The following LY9 variants were observed in gnomAD, a reference collection of about 807,000 sequenced individuals.
LY9 encodes the protein T-lymphocyte surface antigen Ly-9.
LY9 carries 59 observed loss-of-function variants against 64.6 expected under a neutral mutation model. The observed-to-expected ratio is 0.91, with a 90% CI of 0.74 to 1.13. LY9 has a LOEUF of 1.13. Ranked by LOEUF, LY9 falls within the 50% of genes most tolerant of loss-of-function variation. LY9 has a pLI of 0.00. For missense variants in LY9, 789 were observed against 797.2 expected, an observed-to-expected ratio of 0.99 and a Z score of 0.12; for synonymous variants, 281 against 308.5, an observed-to-expected ratio of 0.91 and a Z score of 0.93.
chr1:160,799,176 A>G (rs1420833130), intron 1 of LY9: 2 of 152,962 alleles, frequency 1.3e-5, no homozygotes, highest in Non-Finnish European at 2.9e-5. Context: ...TTAGTTCCCG[A>G]CACTGCTATG....
chr1:160,819,809 CAGAAAGAGAA>C (rs1668250047), intron 7 of LY9, among the ~76,000 whole-genome samples: 2 of 48,358 alleles, frequency 4.1e-5, no homozygotes, highest in Admixed American at 6.4e-4. Flanking sequence ...AAAAAAAAAA[CAGAAAGAGAA>C]AGAAAGAGAG....
rs1667692443 is a variant in LY9 at position 160,813,553 on chromosome 1, C to T, written c.455-83C>T. ...GGCCTCTCTCTGCTGCCCCCAACTC[C>T]CCTATTGTCACTCCCTTCTTCTCTC... On this transcript the variant is annotated intron_variant, in intron 2 of 9. Coordinates refer to ENST00000263285, the MANE Select transcript of LY9 (RefSeq NM_002348.4). The T allele has an allele frequency of 7.1e-6, 10 of 1,412,560 alleles. No individual in the cohort carries two copies. The Admixed American group carries it at 7.8e-5, about 11-fold the overall frequency. The allele number at this position is 1,412,560 out of a possible 1,614,324, so 87.5% of individuals were successfully genotyped here. A position where few individuals can be genotyped will look rare whatever the true frequency, so the allele number is the denominator to read the frequency against.
At chr1:160,801,838 G>A (rs369757789) in intron 2 of LY9, 4 of 1,613,944 alleles carry the variant, frequency 2.5e-6, no homozygotes, top group Non-Finnish European at 3.4e-6. Context: ...GGTGACCACC[G>A]CACACTCCTG....
rs917259935 is a variant in LY9 at position 160,821,163 on chromosome 1, A to AAAAAAAAAAAAAAAC, written c.1498+1795_1498+1796insAAAAAAAACAAAAAA. Among the ~76,000 whole-genome samples, 13 of 150,886 alleles carry AAAAAAAAAAAAAAAC rather than the reference A, an allele frequency of 8.6e-5. No homozygotes were observed. In the East Asian group the frequency reaches 2.5e-3, roughly 29 times the overall value. On this transcript the variant is annotated intron_variant, in intron 7 of 9. Coordinates refer to ENST00000263285, the MANE Select transcript of LY9 (RefSeq NM_002348.4). ...AGTGAAACTTTGCTAAAAAAAAAAAAAAAAAACCATATATTCACATGGCAT... is the reference window on the plus strand; with the variant it reads ...AGTGAAACTTTGCTAAAAAAAAAAAAAAAAAAAAAAAAAACAAAAAACCATATATTCACATGGCAT...
intron 2 of LY9, chr1:160,802,091 AC>A: frequency 2.9e-6 from 4 of 1,381,294 alleles, no homozygotes; most frequent in Non-Finnish European, 3.7e-6. Context: ...CTCCCATGGC[AC>A]GTCGGGAACA....
chr1:160,824,747 A>G (rs1668753878), intron 9 of LY9: 1 of 628,720 alleles, frequency 1.6e-6, no homozygotes, highest in Non-Finnish European at 2.0e-6. Context: ...TGGGAGGCCA[A>G]GGCGGGTGGA....
chr1:160,798,493 G>A (rs149592409), intron 1 of LY9, among the ~76,000 whole-genome samples: 128 of 152,206 alleles, frequency 8.4e-4, no homozygotes, highest in Non-Finnish European at 1.6e-3. Flanking sequence ...CTTCCAGATG[G>A]GAAGAGCTCT....
At chr1:160,800,843 AG>A (rs1666395860) in intron 2 of LY9, among the ~76,000 whole-genome samples, 1 of 152,196 alleles carries the variant, frequency 6.6e-6, no homozygotes, top group Non-Finnish European at 1.5e-5. Flanking sequence ...AATGGCCTCC[AG>A]TTTCATCCAT....
chr1:160,812,898 C>T (rs935360556), intron 2 of LY9: 2 of 14,876 alleles, frequency 1.3e-4, no homozygotes, highest in African/African-American at 1.4e-4. Context: ...CCAGCCTGGC[C>T]AACTGGTGAA....
chr1:160,821,151 T>TAAAAAAAAAAAAAA (rs373539992), intron 7 of LY9, among the ~76,000 whole-genome samples: 6,121 of 103,938 alleles, frequency 0.059, 340 homozygotes, highest in South Asian at 0.083. Context: ...GAAACTTTGC[T>TAAAAAAAAAAAAAA]AAAAAAAAAA....
intron 9 of LY9, among the ~76,000 whole-genome samples, chr1:160,825,910 C>CAA (rs11371484): frequency 6.0e-5 from 9 of 150,202 alleles, no homozygotes; most frequent in South Asian, 2.1e-4. Flanking sequence ...AACTCCATCT[C>CAA]AAAAAAAAAG....
Position 160,823,464 on chromosome 1 carries a change from G to A in LY9, c.1499-1G>A, listed in dbSNP as rs1313072077. The A allele has an allele frequency of 6.2e-7, 1 of 1,604,468 alleles. No individual in the cohort carries two copies. The highest frequency in any genetic ancestry group is 1.1e-5 in the South Asian group (1 of 90,660). On this transcript the variant is annotated splice_acceptor_variant, in intron 7 of 9. Coordinates refer to ENST00000263285, the MANE Select transcript of LY9 (RefSeq NM_002348.4). LOFTEE classifies it high-confidence loss of function. ...TATCAGCCCTGCACAATGTGTTCCA[G>A]AACCCACAGCTGGCCACACGCTATA...
intron 7 of LY9, among the ~76,000 whole-genome samples, chr1:160,820,295 C>A (rs1379273312): frequency 1.3e-5 from 2 of 152,060 alleles, no homozygotes; most frequent in Non-Finnish European, 2.9e-5. Flanking sequence ...AGCTGAGATG[C>A]CTGCCTTTAC....
Position 160,816,777 on chromosome 1 carries a change from G to A in LY9, c.1256G>A (p.Ser419Asn), listed in dbSNP as rs1667987025. ...CACCTCAATGTCTCATGGAGAAGCAGTGAAAATCACCCCAACCTCACATGC... is the reference window on the plus strand; with the variant it reads ...CACCTCAATGTCTCATGGAGAAGCAATGAAAATCACCCCAACCTCACATGC... ...ESHLNVSWRS[S>N]ENHPNLTCTA... Residue 419 changes from serine (S) to asparagine (N), a missense_variant, in exon 5 of 10, where the codon AGT becomes AAT. By Grantham distance (46) the Ser-to-Asn change is conservative. Coordinates refer to ENST00000263285, the MANE Select transcript of LY9 (RefSeq NM_002348.4). The A allele has an allele frequency of 3.1e-6, 5 of 1,614,128 alleles. No individual in the cohort carries two copies. The highest frequency in any genetic ancestry group is 4.2e-6 in the Non-Finnish European group (5 of 1,180,050).
chr1:160,824,102 C>T, intron 8 of LY9, 79 bp from the exon 9 acceptor site: 3 of 1,563,132 alleles, frequency 1.9e-6, no homozygotes, highest in South Asian at 2.3e-5. Flanking sequence ...GGGGGTATCC[C>T]CTCTCCTCAA....
In LY9 at chr1:160,821,151, TAA is replaced by T. The variant is rs373539992; in HGVS notation, c.1498+1794_1498+1795del. ...CTGGGCAAAAAAAGTGAAACTTTGC[TAA>T]AAAAAAAAAAAAAAAACCATATATT... On this transcript the variant is annotated intron_variant, in intron 7 of 9. Coordinates refer to ENST00000263285, the MANE Select transcript of LY9 (RefSeq NM_002348.4). Among the ~76,000 whole-genome samples, 118 of 105,056 alleles carry T rather than the reference TAA, an allele frequency of 1.1e-3. 2 individuals are homozygous for T. Among genetic ancestry groups the T allele is most frequent in the African/African-American group, 4.2e-3 (111 of 26,318 alleles). 68.9% of individuals were successfully genotyped at this position (105,056 alleles called of 152,430 possible).
At position 160,802,728 on chromosome 1, in the gene LY9, A is replaced by T. The variant is rs1223728557; in HGVS notation, c.454+2646A>T. ...AATAAATAAATAAATAAATAAATAA[A>T]AAGTATCTTTTCTCCCCAGTGTAAG... On this transcript the variant is annotated intron_variant, in intron 2 of 9. Transcript: ENST00000263285. 4.4e-6 allele frequency: 4 copies of T among 915,192 alleles called. 1 individual carries two copies. 56.7% of individuals were successfully genotyped at this position (915,192 alleles called of 1,614,324 possible).
intron 2 of LY9, among the ~76,000 whole-genome samples, chr1:160,809,107 G>A (rs1269834027): frequency 2.0e-5 from 3 of 151,462 alleles, no homozygotes; most frequent in African/African-American, 4.9e-5. Flanking sequence ...ATCTTTTCAC[G>A]CTTATGTGAC....
chr1:160,802,021 T>C, intron 2 of LY9: 1 of 1,484,010 alleles, frequency 6.7e-7, no homozygotes, highest in Non-Finnish European at 8.9e-7. Flanking sequence ...CCAGGCCCAG[T>C]GCCACTGCCC....
Sources: gnomAD v4.1 joint callset for allele counts (sites outside exome capture counted in the v4.1 genomes callset) on GRCh38, gnomAD v4.1.1 for gene constraint, MANE v1.5 for transcripts, NCBI Gene and HGNC (gene_info 2026-07-23, HGNC 2026-07-21) for gene names.